The following PCDHA1 variants were observed in gnomAD, a reference collection of about 807,000 sequenced individuals.
PCDHA1 encodes the protein protocadherin alpha 1, also known as protocadherin alpha-1.
A neutral mutation model predicts 61.3 loss-of-function variants in PCDHA1; 42 were observed. The ratio of observed to expected loss-of-function variants is 0.69; its 90% CI spans 0.54 to 0.89. The LOEUF is 0.89. Ranked by LOEUF, PCDHA1 falls within the 40% of genes least tolerant of loss-of-function variation. The pLI is 0.00. For synonymous variants in PCDHA1, 610 were observed against 553.8 expected, an observed-to-expected ratio of 1.10 and a Z score of -1.43; for missense variants, 1,256 against 1,235.3, an observed-to-expected ratio of 1.02 and a Z score of -0.25.
rs782491014 is a variant in PCDHA1 at position 140,788,177 on chromosome 5, C to T, written c.1887C>T (p.Gly629=). ...CGTTCCGCGTGGGGCTGTACACGGG[C>T]GAGATCAGCACGACTCGTGTCCTGG... ...RIPFRVGLYT[G]EISTTRVLDE... is the part of the protein sequence containing the mutation. The change falls in exon 1 of 4, where the codon GGC becomes GGT. Residue 629 remains glycine, a synonymous_variant. Transcript: ENST00000504120. 1.5e-5 allele frequency: 25 copies of T among 1,613,890 alleles called. No individual in the cohort carries two copies. The highest frequency in any genetic ancestry group is 1.3e-4 in the South Asian group (12 of 91,082).
chr5:140,794,365 C>G (rs1365648323), intron 1 of PCDHA1, among the ~76,000 whole-genome samples: 1 of 152,138 alleles, frequency 6.6e-6, no homozygotes, highest in Non-Finnish European at 1.5e-5. Flanking sequence ...GGACATTGTG[C>G]TAAGTGAAAT....
chr5:140,870,905 G>T (rs2052526417), intron 1 of PCDHA1: 1 of 1,613,958 alleles, frequency 6.2e-7, no homozygotes, highest in Non-Finnish European at 8.5e-7. Context: ...GCGGACTCAG[G>T]CTACAACGCG....
chr5:140,878,084 T>C (rs782330226), intron 1 of PCDHA1: 82 of 330,796 alleles, frequency 2.5e-4, no homozygotes, highest in Admixed American at 2.3e-4. Flanking sequence ...TATAATATTT[T>C]ATATGACTGA....
chr5:140,883,695 C>T, intron 1 of PCDHA1: 2 of 1,613,804 alleles, frequency 1.2e-6, no homozygotes, highest in Non-Finnish European at 1.7e-6. Context: ...CACATCTTCA[C>T]GGTGTCTGCT....
At chr5:140,792,318 AG>A (rs1761707041) in intron 1 of PCDHA1, among the ~76,000 whole-genome samples, 2 of 152,086 alleles carry the variant, frequency 1.3e-5, no homozygotes, top group Non-Finnish European at 2.9e-5. Flanking sequence ...TCTGTAATCT[AG>A]GATGATCTCA....
intron 1 of PCDHA1, among the ~76,000 whole-genome samples, chr5:140,940,470 A>G (rs182796886): frequency 4.7e-5 from 7 of 149,652 alleles, no homozygotes; most frequent in African/African-American, 9.8e-5. Flanking sequence ...GTTCCCTGCA[A>G]TTTTTTTTTT....
intron 1 of PCDHA1, among the ~76,000 whole-genome samples, chr5:140,879,279 A>G (rs2057928398): frequency 2.0e-5 from 3 of 152,250 alleles, no homozygotes; most frequent in East Asian, 3.8e-4. Flanking sequence ...CAGACTCAAT[A>G]CAAATGATAA....
chr5:140,928,889 A>T, intron 1 of PCDHA1: 2 of 1,614,118 alleles, frequency 1.2e-6, no homozygotes, highest in Non-Finnish European at 1.7e-6. Flanking sequence ...TTACTTCCAG[A>T]CTTTGAAGAT....
At chr5:140,862,541 G>A (rs749747760) in intron 1 of PCDHA1, 2 of 445,208 alleles carry the variant, frequency 4.5e-6, no homozygotes, top group Non-Finnish European at 9.1e-6. Context: ...CGGGTCCGTG[G>A]AAGTGGCCGA....
chr5:140,845,791 T>C (rs1780035450), intron 1 of PCDHA1, among the ~76,000 whole-genome samples: 1 of 149,740 alleles, frequency 6.7e-6, no homozygotes, highest in Admixed American at 6.7e-5. Flanking sequence ...AATAATAAAC[T>C]CTGGCAAGTG....
At chr5:140,816,351 T>C (rs1413125816) in intron 1 of PCDHA1, 1 of 152,232 alleles carries the variant, frequency 6.6e-6, no homozygotes, top group South Asian at 2.1e-4. Context: ...AATTTCTTTT[T>C]AGTTCTTTTG....
chr5:140,823,603 C>T (rs2150127370), intron 1 of PCDHA1: 1 of 1,614,048 alleles, frequency 6.2e-7, no homozygotes, highest in South Asian at 1.1e-5. Context: ...TTCGTATGAG[C>T]TGCAGCCAGC....
At chr5:140,933,659 C>G (rs552302723) in intron 1 of PCDHA1, among the ~76,000 whole-genome samples, 1 of 152,058 alleles carries the variant, frequency 6.6e-6, no homozygotes, top group East Asian at 1.9e-4. Context: ...TCCTGTCTCT[C>G]TCTCTGTCTC....
intron 1 of PCDHA1, among the ~76,000 whole-genome samples, chr5:140,898,033 G>T (rs1293808474): frequency 2.6e-5 from 4 of 152,032 alleles, no homozygotes; most frequent in African/African-American, 9.7e-5. Flanking sequence ...TTTTGATGGG[G>T]TTGTTTGTTT....
Position 140,877,726 on chromosome 5 carries a change from C to G in PCDHA1, c.2394+89042C>G, listed in dbSNP as rs781814794. On this transcript the variant is annotated intron_variant, in intron 1 of 3. Coordinates refer to ENST00000504120, the MANE Select transcript of PCDHA1 (RefSeq NM_018900.4). ...CGCCGTGGGGAGTTGGTCTTACTCGCAGCAGAGGAGGCAGAGGGTGTGCTC... is the reference window on the plus strand; with the variant it reads ...CGCCGTGGGGAGTTGGTCTTACTCGGAGCAGAGGAGGCAGAGGGTGTGCTC... 30 of 1,614,056 alleles carry G rather than the reference C, an allele frequency of 1.9e-5. No homozygotes were observed. In the African/African-American group the frequency reaches 3.7e-4, roughly 20 times the overall value.
At chr5:140,896,262 T>C (rs2065465092) in intron 1 of PCDHA1, among the ~76,000 whole-genome samples, 2 of 152,258 alleles carry the variant, frequency 1.3e-5, no homozygotes, top group African/African-American at 4.8e-5. Flanking sequence ...TGTACACAGT[T>C]ATGGGATTTG....
rs113635864 is a variant in PCDHA1 at position 140,947,396 on chromosome 5, A to T, written c.2395-31553A>T. On this transcript the variant is annotated intron_variant, in intron 1 of 3. Coordinates refer to ENST00000504120, the MANE Select transcript of PCDHA1 (RefSeq NM_018900.4). ...ATATGTTTATCCTTTCACTAAAAGT[A>T]GACTGTCTTGATATTGTAGCTTTAT... Among the ~76,000 whole-genome samples the T allele has an allele frequency of 7.1e-3, 1,081 of 151,828 alleles. 11 individuals are homozygous for T. The highest frequency in any genetic ancestry group is 0.025 in the African/African-American group (1,045 of 41,538).
chr5:140,995,245 A>G (rs2097671494), intron 3 of PCDHA1, among the ~76,000 whole-genome samples: 1 of 152,194 alleles, frequency 6.6e-6, no homozygotes, highest in African/African-American at 2.4e-5. Flanking sequence ...ATTAAGTAAA[A>G]TAAGGGTACT....
intron 1 of PCDHA1, among the ~76,000 whole-genome samples, chr5:140,944,779 T>C (rs1022054674): frequency 6.6e-6 from 1 of 152,228 alleles, no homozygotes; most frequent in African/African-American, 2.4e-5. Flanking sequence ...CCTCCTGTTA[T>C]TGTATTTTAC....
Sources: allele counts gnomAD v4.1 joint callset (sites outside exome capture counted in the v4.1 genomes callset), GRCh38; gene constraint gnomAD v4.1.1; transcripts MANE v1.5; gene names NCBI Gene and HGNC (gene_info 2026-07-23, HGNC 2026-07-21).